KHDRBS2: variants seen among roughly 807,000 people sequenced by gnomAD.
KHDRBS2 encodes KH RNA binding domain containing, signal transduction associated 2.
KHDRBS2 carries 26 observed loss-of-function variants against 44.3 expected under a neutral mutation model. The observed-to-expected ratio is 0.59, with a 90% CI of 0.43 to 0.81. KHDRBS2 has a LOEUF of 0.81. Ranked by LOEUF, KHDRBS2 falls within the 40% of genes least tolerant of loss-of-function variation. KHDRBS2 has a pLI of 0.00. For synonymous variants in KHDRBS2, 194 were observed against 151.1 expected (o/e 1.28, Z -2.08); for missense variants, 476 against 433.1 (o/e 1.10, Z -0.88).
intron 1 of KHDRBS2, among the ~76,000 whole-genome samples, chr6:62,236,789 A>T (rs759015035): frequency 2.7e-4 from 41 of 152,312 alleles, no homozygotes; most frequent in Non-Finnish European, 5.1e-4. Context: ...TATTGATAAC[A>T]TGGCATGATG....
At chr6:61,592,307 T>C in the KHDRBS2 span, among the ~76,000 whole-genome samples, 1 of 151,930 alleles carries the variant, frequency 6.6e-6, no homozygotes, top group Admixed American at 6.6e-5. Context: ...GGCCAGATGG[T>C]TTATCCTTTT....
chr6:61,645,910 C>T, the KHDRBS2 span, among the ~76,000 whole-genome samples: 3 of 152,182 alleles, frequency 2.0e-5, no homozygotes, highest in Middle Eastern at 3.4e-3. Context: ...GGTGGTATGG[C>T]GGCATCACTC....
At chr6:61,896,632 G>A (rs923892310) in intron 5 of KHDRBS2, among the ~76,000 whole-genome samples, 1 of 151,796 alleles carries the variant, frequency 6.6e-6, no homozygotes, top group Non-Finnish European at 1.5e-5. Context: ...ACTTTTTTTA[G>A]GATACTGCCC....
At chr6:61,617,196 G>A in the KHDRBS2 span, among the ~76,000 whole-genome samples, 1 of 152,094 alleles carries the variant, frequency 6.6e-6, no homozygotes, top group Non-Finnish European at 1.5e-5. Context: ...AAATTTAGAA[G>A]CATTAAACTA....
chr6:62,222,153 G>T (rs1235482624), intron 1 of KHDRBS2, among the ~76,000 whole-genome samples: 1 of 152,092 alleles, frequency 6.6e-6, no homozygotes, highest in East Asian at 1.9e-4. Flanking sequence ...AGTAGAAAGG[G>T]ATTAGGTGTG....
At chr6:61,992,611 T>G (rs113475601) in intron 3 of KHDRBS2, among the ~76,000 whole-genome samples, 3 of 152,062 alleles carry the variant, frequency 2.0e-5, no homozygotes, top group African/African-American at 7.2e-5. Context: ...GTGTGTGTGT[T>G]TGTGCGCGCG....
rs191287160 is a variant in KHDRBS2 at position 62,019,260 on chromosome 6, C to T, written c.336+28618G>A. Among the ~76,000 whole-genome samples, 3 of 152,138 alleles carry T rather than the reference C, an allele frequency of 2.0e-5. No homozygotes were observed. The East Asian group carries it at 5.8e-4, about 29-fold the overall frequency. Reference sequence around the variant, plus strand: ...AGTATAATGTTAACTGCAGGTTTTGCATAAATGCTCTTACAAGTTTGCAGA... The same window carrying T: ...AGTATAATGTTAACTGCAGGTTTTGTATAAATGCTCTTACAAGTTTGCAGA... On this transcript the variant is annotated intron_variant, in intron 3 of 8. Transcript: ENST00000281156.
intron 6 of KHDRBS2, among the ~76,000 whole-genome samples, chr6:61,866,094 G>A (rs1797753895): frequency 6.6e-6 from 1 of 152,170 alleles, no homozygotes; most frequent in South Asian, 2.1e-4. Flanking sequence ...AGTTCCTGGT[G>A]GCCCTCTTCT....
At chr6:62,224,721 G>A (rs1831475763) in intron 1 of KHDRBS2, among the ~76,000 whole-genome samples, 1 of 152,156 alleles carries the variant, frequency 6.6e-6, no homozygotes, top group East Asian at 1.9e-4. Flanking sequence ...CAGTGTTTAA[G>A]AGTGGAAACA....
At chr6:62,231,116 T>A (rs1832827937) in intron 1 of KHDRBS2, among the ~76,000 whole-genome samples, 1 of 152,172 alleles carries the variant, frequency 6.6e-6, no homozygotes. Context: ...TAGAAATGCC[T>A]TGTTTTTATC....
the KHDRBS2 span, among the ~76,000 whole-genome samples, chr6:61,606,390 C>A: frequency 2.0e-5 from 3 of 152,114 alleles, no homozygotes; most frequent in African/African-American, 4.8e-5. Flanking sequence ...AATGAACGGG[C>A]CAAGGGAAAT....
intron 6 of KHDRBS2, among the ~76,000 whole-genome samples, chr6:61,785,138 A>G (rs1783587746): frequency 6.7e-6 from 1 of 149,190 alleles, no homozygotes; most frequent in South Asian, 2.1e-4. Flanking sequence ...CGAGAGAGTG[A>G]GACCTTGTCC....
chr6:61,771,828 C>T (rs997892410), intron 6 of KHDRBS2, among the ~76,000 whole-genome samples: 1 of 152,072 alleles, frequency 6.6e-6, no homozygotes, highest in South Asian at 2.1e-4. Flanking sequence ...AGATCTGCAC[C>T]GAGCGGACCT....
At chr6:61,598,808 A>G in the KHDRBS2 span, among the ~76,000 whole-genome samples, 1 of 148,476 alleles carries the variant, frequency 6.7e-6, no homozygotes, top group Non-Finnish European at 1.5e-5. Flanking sequence ...AAACTCTAGA[A>G]TAAAGGGTAG....
At chr6:62,114,579 A>T (rs1458035501) in intron 2 of KHDRBS2, among the ~76,000 whole-genome samples, 1 of 152,148 alleles carries the variant, frequency 6.6e-6, no homozygotes, top group Admixed American at 6.6e-5. Context: ...TTATATTATG[A>T]TCTAAGTGAT....
intron 7 of KHDRBS2, among the ~76,000 whole-genome samples, chr6:61,698,754 C>T (rs1177598032): frequency 6.6e-6 from 1 of 152,038 alleles, no homozygotes; most frequent in Admixed American, 6.6e-5. Context: ...GGGGCATGGC[C>T]TCCTAGATGT....
intron 6 of KHDRBS2, among the ~76,000 whole-genome samples, chr6:61,800,730 C>A (rs1786120010): frequency 1.3e-5 from 2 of 152,070 alleles, no homozygotes; most frequent in South Asian, 4.1e-4. Flanking sequence ...AATTGCATTC[C>A]CATATCCTGC....
At chr6:61,868,239 G>C (rs1291365891) in intron 6 of KHDRBS2, among the ~76,000 whole-genome samples, 1 of 152,126 alleles carries the variant, frequency 6.6e-6, no homozygotes, top group Non-Finnish European at 1.5e-5. Flanking sequence ...GCCAAGCCAT[G>C]ATGGGGAACT....
chr6:62,020,399 A>G (rs1370610016), intron 3 of KHDRBS2, among the ~76,000 whole-genome samples: 1 of 152,032 alleles, frequency 6.6e-6, no homozygotes, highest in Non-Finnish European at 1.5e-5. Flanking sequence ...TGCACTTGAG[A>G]AAAGAATGTA....
Sources: gnomAD v4.1 joint callset for allele counts (sites outside exome capture counted in the v4.1 genomes callset) on GRCh38, gnomAD v4.1.1 for gene constraint, MANE v1.5 for transcripts, NCBI Gene and HGNC (gene_info 2026-07-23, HGNC 2026-07-21) for gene names.